Variants in CHORDC1 observed in about 807,000 individuals in gnomAD.
CHORDC1 encodes cysteine and histidine rich domain containing 1.
A neutral mutation model predicts 48.3 loss-of-function variants in CHORDC1; 25 were observed. That is an observed-to-expected ratio of 0.52 (90% CI 0.38 to 0.72). The LOEUF is 0.72. Ranked by LOEUF, CHORDC1 falls within the 30% of genes least tolerant of loss-of-function variation. The probability of loss-of-function intolerance (pLI) is 0.00; values close to 1 mark genes in which losing one functional copy is unlikely to be tolerated. For missense variants in CHORDC1, 317 were observed against 388.7 expected (o/e 0.82, Z 1.55); for synonymous variants, 128 against 126.4 (o/e 1.01, Z -0.09).
chr11:90,215,519 T>C (rs972345303), intron 2 of CHORDC1, among the ~76,000 whole-genome samples: 7 of 152,014 alleles, frequency 4.6e-5, no homozygotes, highest in Non-Finnish European at 1.0e-4. Context: ...GTGTCTGCTT[T>C]TTTTTTAGAA....
chr11:90,215,687 T>C (rs1485317230), intron 2 of CHORDC1, among the ~76,000 whole-genome samples: 2 of 152,048 alleles, frequency 1.3e-5, no homozygotes, highest in Admixed American at 6.5e-5. Flanking sequence ...CAACAAAGAT[T>C]AATTAACACA....
intron 4 of CHORDC1, chr11:90,213,651 C>G (rs984009974): frequency 6.7e-6 from 3 of 450,550 alleles, no homozygotes; most frequent in Non-Finnish European, 1.2e-5. Context: ...TAGGCCTCTG[C>G]ATTATTTTCT....
rs1352892907 is a variant in CHORDC1 at position 90,200,592 on chromosome 11, A to T, written c.*1813T>A. On this transcript the variant is annotated 3_prime_UTR_variant, in exon 11 of 11. Coordinates refer to ENST00000320585, the MANE Select transcript of CHORDC1 (RefSeq NM_012124.3). ...AAATTCAAAGGCTCCTTAAGAAGAA[A>T]GTAAATACCATGGTCACTAATGTAA... 6.6e-6 allele frequency among the ~76,000 whole-genome samples: 1 copy of T among 152,022 alleles called. No homozygotes were observed. Among genetic ancestry groups the T allele is most frequent in the East Asian group, 1.9e-4 (1 of 5,188 alleles).
chr11:90,221,799 T>A (rs1858178934), intron 1 of CHORDC1, among the ~76,000 whole-genome samples: 2 of 152,224 alleles, frequency 1.3e-5, no homozygotes, highest in African/African-American at 4.8e-5. Flanking sequence ...TTATTTTAAA[T>A]AACGCTATCA....
At chr11:90,215,045 T>C in intron 3 of CHORDC1, 129 bp downstream of exon 3, 1 of 467,752 alleles carries the variant, frequency 2.1e-6, no homozygotes, top group African/African-American at 2.0e-5. Flanking sequence ...GAGCTGCTTT[T>C]TGAAAGGTGT....
chr11:90,216,703 G>T, intron 2 of CHORDC1: 1 of 302,646 alleles, frequency 3.3e-6, no homozygotes. Context: ...CAAATGATCA[G>T]AAAGTCAGTA....
chr11:90,200,646 A>ATGTG lies in CHORDC1; in HGVS notation c.*1755_*1758dup, dbSNP rs34095734. The stretch of plus-strand genomic sequence containing the variant: ...GACTAAATATAAAAGCTACATATGT[A>ATGTG]TGTGTGTGTGTGTGTGTATAAATCA... On this transcript the variant is annotated 3_prime_UTR_variant, in exon 11 of 11. Transcript: ENST00000320585. Among the ~76,000 whole-genome samples the ATGTG allele has an allele frequency of 0.01, 1,508 of 150,676 alleles. 23 individuals carry two copies. The highest frequency in any genetic ancestry group is 0.032 in the African/African-American group (1,311 of 41,212).
intron 1 of CHORDC1, among the ~76,000 whole-genome samples, chr11:90,218,957 T>TA (rs67038713): frequency 0.01 from 1,512 of 145,464 alleles, 23 homozygotes; most frequent in African/African-American, 0.034. Flanking sequence ...ACTTTTTAAT[T>TA]AAAAAAAAAA....
intron 1 of CHORDC1, among the ~76,000 whole-genome samples, chr11:90,222,279 C>T (rs563752664): frequency 6.6e-6 from 1 of 152,268 alleles, no homozygotes; most frequent in East Asian, 1.9e-4. Context: ...ACAAATGCCG[C>T]TAGTAATAAA....
At position 90,214,095 on chromosome 11, in the gene CHORDC1, C is replaced by T. The variant is rs3203992; in HGVS notation, c.252G>A (p.Glu84=). The T allele has an allele frequency of 6.2e-7, 1 of 1,613,374 alleles. No individual in the cohort carries two copies. Among genetic ancestry groups the T allele is most frequent in the African/African-American group, 1.3e-5 (1 of 74,896 alleles). Residue 84 remains glutamate (E), a synonymous_variant, in exon 4 of 11, where the codon GAG becomes GAA. Transcript: ENST00000320585. ...GAAATTTGGGTTTTAATTCACATAG[C>T]TCCTTCTTCTCAGTAGTCTTGACTT... ...KPEVKTTEKK[E]LCELKPKFQE... is the part of the protein sequence containing the mutation.
chr11:90,221,168 C>T (rs574998436), intron 1 of CHORDC1, among the ~76,000 whole-genome samples: 13 of 152,156 alleles, frequency 8.5e-5, no homozygotes, highest in African/African-American at 3.1e-4. Flanking sequence ...CAAAATGGAA[C>T]TTGCTTGTGT....
At chr11:90,219,263 TA>T (rs35204213) in intron 1 of CHORDC1, among the ~76,000 whole-genome samples, 1 of 151,600 alleles carries the variant, frequency 6.6e-6, no homozygotes, top group South Asian at 2.1e-4. Flanking sequence ...GACTCCATCT[TA>T]AAAAAAACAA....
chr11:90,212,332 T>G (rs1857893198), intron 4 of CHORDC1: 1 of 152,250 alleles, frequency 6.6e-6, no homozygotes, highest in South Asian at 2.1e-4. Flanking sequence ...TGTAAAACAT[T>G]CCTTTATTAC....
intron 8 of CHORDC1, among the ~76,000 whole-genome samples, chr11:90,204,221 A>G (rs1313027808): frequency 2.6e-5 from 4 of 152,200 alleles, no homozygotes; most frequent in Non-Finnish European, 4.4e-5. Flanking sequence ...TTAAAAAACA[A>G]GAGAAATTAC....
At chr11:90,202,932 A>G (rs1428173303) in intron 9 of CHORDC1, 57 bp from the exon 10 acceptor site, 2 of 1,505,976 alleles carry the variant, frequency 1.3e-6, no homozygotes, top group Non-Finnish European at 1.8e-6. Flanking sequence ...TTATGCTATC[A>G]AACACTGATT....
intron 2 of CHORDC1, among the ~76,000 whole-genome samples, chr11:90,215,558 T>C (rs1384471553): frequency 6.6e-6 from 1 of 151,982 alleles, no homozygotes; most frequent in Non-Finnish European, 1.5e-5. Context: ...CCTAAAACTA[T>C]CATATTTAAA....
At chr11:90,211,011 G>A (rs1053290614) in intron 5 of CHORDC1, 29 of 347,780 alleles carry the variant, frequency 8.3e-5, no homozygotes, top group Admixed American at 5.0e-4. Context: ...ATAGGTTCTC[G>A]TTTTGAATAA....
chr11:90,222,211 C>A (rs997879477), intron 1 of CHORDC1, among the ~76,000 whole-genome samples: 1 of 152,166 alleles, frequency 6.6e-6, no homozygotes, highest in Non-Finnish European at 1.5e-5. Context: ...GACATTCACT[C>A]ATTTTATACG....
chr11:90,216,549 T>C (rs564122098), intron 2 of CHORDC1: 3 of 443,172 alleles, frequency 6.8e-6, no homozygotes, highest in Non-Finnish European at 1.3e-5. Context: ...TTGGAAAGTC[T>C]AGGACTTTAA....
Sources: gnomAD v4.1 joint callset for allele counts (sites outside exome capture counted in the v4.1 genomes callset) on GRCh38, gnomAD v4.1.1 for gene constraint, MANE v1.5 for transcripts, NCBI Gene and HGNC (gene_info 2026-07-23, HGNC 2026-07-21) for gene names.